PSD3: variants seen among roughly 807,000 people sequenced by gnomAD.
The protein encoded by PSD3 is pleckstrin and Sec7 domain containing 3, also known as PH and SEC7 domain-containing protein 3.
In PSD3, 49 loss-of-function variants were observed where a neutral mutation model predicts 105.5. The observed-to-expected ratio is 0.46, with a 90% CI of 0.37 to 0.59. The LOEUF (loss-of-function observed/expected upper bound fraction) is 0.59. Ranked by LOEUF, PSD3 falls within the 20% of genes least tolerant of loss-of-function variation. The pLI is 0.00. For missense variants in PSD3, 1,561 were observed against 1,263.8 expected (o/e 1.24, Z -3.57); for synonymous variants, 557 against 457.8 (o/e 1.22, Z -2.77).
intron 14 of PSD3, among the ~76,000 whole-genome samples, chr8:18,562,964 G>A (rs892463679): frequency 6.6e-6 from 1 of 151,946 alleles, no homozygotes; most frequent in South Asian, 2.1e-4. Context: ...CCAAACCTAT[G>A]TTACTCTAGA....
chr8:18,962,035 C>A (rs1823958923), intron 1 of PSD3, among the ~76,000 whole-genome samples: 1 of 152,152 alleles, frequency 6.6e-6, no homozygotes, highest in Non-Finnish European at 1.5e-5. Flanking sequence ...CACTTGAGGT[C>A]AGGTGTTTGT....
chr8:18,888,645 T>C (rs1282763682), intron 2 of PSD3, among the ~76,000 whole-genome samples: 1 of 152,240 alleles, frequency 6.6e-6, no homozygotes, highest in Non-Finnish European at 1.5e-5. Context: ...TTACATTTTT[T>C]ATAAAACTAC....
chr8:18,741,736 C>G (rs1046181339), intron 9 of PSD3, among the ~76,000 whole-genome samples: 3 of 145,986 alleles, frequency 2.1e-5, no homozygotes, highest in Non-Finnish European at 3.0e-5. Flanking sequence ...CTACTTTAAG[C>G]TCTCCAGAGA....
intron 4 of PSD3, chr8:18,865,074 A>C (rs1329031480): frequency 6.6e-6 from 1 of 151,512 alleles, no homozygotes; most frequent in Non-Finnish European, 1.5e-5. Context: ...GATCAAAAGA[A>C]GAATAACAAA....
intron 9 of PSD3, among the ~76,000 whole-genome samples, chr8:18,719,113 C>G (rs781004242): frequency 1.2e-3 from 186 of 152,242 alleles, no homozygotes; most frequent in Non-Finnish European, 2.1e-3. Context: ...GCTGTGACTT[C>G]GGATAGTCCC....
intron 9 of PSD3, among the ~76,000 whole-genome samples, chr8:18,708,166 T>G (rs1350037008): frequency 6.6e-6 from 1 of 152,230 alleles, no homozygotes; most frequent in African/African-American, 2.4e-5. Flanking sequence ...GGGCTCACTT[T>G]AAACCTCAGA....
At chr8:18,665,642 G>A (rs990833388) in intron 9 of PSD3, among the ~76,000 whole-genome samples, 6 of 152,222 alleles carry the variant, frequency 3.9e-5, no homozygotes, top group African/African-American at 1.2e-4. Context: ...TCTACTGTGG[G>A]TAAAATGCTA....
At chr8:18,595,567 T>C (rs909144342) in intron 12 of PSD3, among the ~76,000 whole-genome samples, 5 of 151,104 alleles carry the variant, frequency 3.3e-5, no homozygotes, top group African/African-American at 1.2e-4. Context: ...CACACACACC[T>C]GAACATGAAA....
intron 11 of PSD3, among the ~76,000 whole-genome samples, chr8:18,614,142 C>A (rs1380996629): frequency 6.6e-6 from 1 of 152,190 alleles, no homozygotes; most frequent in Non-Finnish European, 1.5e-5. Flanking sequence ...TTCCTCTAAT[C>A]ACTCTCTGCA....
chr8:18,769,901 T>C (rs1240815414), intron 8 of PSD3, among the ~76,000 whole-genome samples: 11 of 152,226 alleles, frequency 7.2e-5, no homozygotes, highest in African/African-American at 2.7e-4. Flanking sequence ...GTTTAGACTA[T>C]TTTCTTTTTT....
intron 9 of PSD3, among the ~76,000 whole-genome samples, chr8:18,744,356 T>C (rs1030478242): frequency 6.6e-6 from 1 of 152,170 alleles, no homozygotes; most frequent in African/African-American, 2.4e-5. Context: ...CCAGGCAGCA[T>C]GAATAAAGAA....
chr8:18,797,210 T>C (rs781448054), intron 8 of PSD3, among the ~76,000 whole-genome samples: 2 of 152,128 alleles, frequency 1.3e-5, no homozygotes, highest in African/African-American at 2.4e-5. Flanking sequence ...AAAACCTAAA[T>C]AGACAATCCC....
Position 18,752,559 on chromosome 8 carries a change from T to TATATTAC in PSD3, c.2172+12889_2172+12890insGTAATAT, listed in dbSNP as rs1554489487. Among the ~76,000 whole-genome samples, 51 of 71,120 alleles carry TATATTAC rather than the reference T, an allele frequency of 7.2e-4. 2 individuals carry two copies. Among genetic ancestry groups the TATATTAC allele is most frequent in the Admixed American group, 2.6e-3 (11 of 4,212 alleles). The allele number at this position is 71,120 out of a possible 152,430, so 46.7% of individuals were successfully genotyped here. On this transcript the variant is annotated intron_variant, in intron 9 of 15. Coordinates refer to ENST00000327040, the MANE Select transcript of PSD3 (RefSeq NM_015310.4). ...ATATTATATATATTATATATAATTA[T>TATATTAC]ATATATTATATATATAATTATATAT...
At chr8:18,995,850 T>C (rs1433311877) in intron 1 of PSD3, among the ~76,000 whole-genome samples, 1 of 151,886 alleles carries the variant, frequency 6.6e-6, no homozygotes, top group East Asian at 1.9e-4. Context: ...ATGATTCAAT[T>C]ACCTCCCACC....
chr8:18,600,549 TAAC>T, intron 11 of PSD3, 115 bp from the exon 12 acceptor site: 2 of 875,220 alleles, frequency 2.3e-6, no homozygotes, highest in East Asian at 2.6e-5. Context: ...CCGAAAGTAA[TAAC>T]AATAAGAACT....
chr8:18,802,871 T>G (rs1459013868), intron 6 of PSD3, among the ~76,000 whole-genome samples: 2 of 152,222 alleles, frequency 1.3e-5, no homozygotes, highest in Non-Finnish European at 2.9e-5. Context: ...TTTAGACACC[T>G]TCATTTGAAA....
At chr8:18,859,630 A>G (rs1816282580) in intron 4 of PSD3, among the ~76,000 whole-genome samples, 1 of 152,256 alleles carries the variant, frequency 6.6e-6, no homozygotes, top group Non-Finnish European at 1.5e-5. Context: ...AACTCACTGC[A>G]GCTTCTACAT....
chr8:18,838,400 C>A (rs548579063), intron 4 of PSD3, among the ~76,000 whole-genome samples: 1 of 152,262 alleles, frequency 6.6e-6, no homozygotes, highest in African/African-American at 2.4e-5. Flanking sequence ...AGCATTTCTG[C>A]GCTTCATAAA....
chr8:18,822,985 G>A (rs1812868460), intron 4 of PSD3, among the ~76,000 whole-genome samples: 1 of 151,768 alleles, frequency 6.6e-6, no homozygotes, highest in African/African-American at 2.4e-5. Context: ...CAATCAATCA[G>A]CTCTTGAAGT....
Sources: allele counts gnomAD v4.1 joint callset (sites outside exome capture counted in the v4.1 genomes callset), GRCh38; gene constraint gnomAD v4.1.1; transcripts MANE v1.5; gene names NCBI Gene and HGNC (gene_info 2026-07-23, HGNC 2026-07-21).